CTNNBIP1: variants seen among roughly 807,000 people sequenced by gnomAD.
CTNNBIP1 encodes the protein beta-catenin-interacting protein 1.
A neutral mutation model predicts 11.8 loss-of-function variants in CTNNBIP1; 7 were observed. The ratio of observed to expected loss-of-function variants is 0.60; its 90% confidence interval spans 0.34 to 1.12. The LOEUF (loss-of-function observed/expected upper bound fraction) is 1.12, where lower values mean the gene tolerates loss of function less well. Among genes scored for constraint, CTNNBIP1 ranks in the 50% most tolerant of loss-of-function variants. The probability of loss-of-function intolerance (pLI) is 0.03; values close to 1 mark genes in which losing one functional copy is unlikely to be tolerated. For missense variants in CTNNBIP1, 101 were observed against 113.4 expected (o/e 0.89, Z 0.50); for synonymous variants, 58 against 43.9 (o/e 1.32, Z -1.26).
At chr1:9,890,049 G>C (rs1475798965) in intron 1 of CTNNBIP1, among the ~76,000 whole-genome samples, 1 of 152,190 alleles carries the variant, frequency 6.6e-6, no homozygotes. Flanking sequence ...GGAGGAACCT[G>C]CATGTTCCTA....
rs140661291 is a variant in CTNNBIP1 at position 9,859,331 on chromosome 1, T to C, written c.188-8555A>G. ...TGCCCCTTTAGTGGAGTCCAGTCAATTGACTGGGGAGAAAAAATGACAAAT... is the reference window on the plus strand; with the variant it reads ...TGCCCCTTTAGTGGAGTCCAGTCAACTGACTGGGGAGAAAAAATGACAAAT... On this transcript the variant is annotated intron_variant, in intron 5 of 5. Coordinates refer to ENST00000377263, the MANE Select transcript of CTNNBIP1 (RefSeq NM_020248.3). Among the ~76,000 whole-genome samples the C allele has an allele frequency of 3.7e-4, 56 of 152,200 alleles. 1 individual carries two copies. Among genetic ancestry groups the C allele is most frequent in the African/African-American group, 1.3e-3 (52 of 41,524 alleles).
rs550545888 is a variant in CTNNBIP1 at position 9,864,245 on chromosome 1, C to G, written c.187+6942G>C. Among the ~76,000 whole-genome samples the G allele has an allele frequency of 6.6e-5, 10 of 152,338 alleles. No homozygotes were observed. In the East Asian group the frequency reaches 1.7e-3, roughly 26 times the overall value. On this transcript the variant is annotated intron_variant, in intron 5 of 5. Coordinates refer to ENST00000377263, the MANE Select transcript of CTNNBIP1 (RefSeq NM_020248.3). ...CCAGGGCATGGCCCCAGGAGGCCCC[C>G]AGGCAGAGAAAAAACAAGGAGCTTC...
chr1:9,872,302 C>G lies in CTNNBIP1; in HGVS notation c.-24-214G>C, dbSNP rs780450934. On this transcript the variant is annotated intron_variant, in intron 3 of 5. Transcript: ENST00000377263. The surrounding 1 kb of genome is among the most constrained non-coding windows in gnomAD (Gnocchi z 4.0). ...CTGAGCAGCTCTGTTCTCCAGCAGG[C>G]GCTGCAAGGGCTGGCCTGCCTGCTG... is the stretch of plus-strand genomic sequence containing the variant. 6.6e-6 allele frequency among the ~76,000 whole-genome samples: 1 copy of G among 152,190 alleles called. No individual in the cohort carries two copies. Among genetic ancestry groups the G allele is most frequent in the Admixed American group, 6.5e-5 (1 of 15,284 alleles).
chr1:9,894,864 C>T (rs1639377043), intron 1 of CTNNBIP1, among the ~76,000 whole-genome samples: 1 of 150,904 alleles, frequency 6.6e-6, no homozygotes, highest in South Asian at 2.1e-4. Context: ...CCTCAGCCTC[C>T]TGACTAGCTA....
chr1:9,899,127 G>T (rs1436010881), intron 1 of CTNNBIP1, among the ~76,000 whole-genome samples: 1 of 152,156 alleles, frequency 6.6e-6, no homozygotes, highest in Non-Finnish European at 1.5e-5. Context: ...GGATATGGAA[G>T]GCTGACTAAG....
chr1:9,908,860 T>A lies in CTNNBIP1; in HGVS notation c.-144+1235A>T, dbSNP rs1377278819. ...ACTTGGAACGGTGCCTGGCACATAG[T>A]AAATGCTCACTACTGAATGAATGAA... On this transcript the variant is annotated intron_variant, in intron 1 of 5. Transcript: ENST00000377263. 4.6e-5 allele frequency among the ~76,000 whole-genome samples: 7 copies of A among 152,346 alleles called. No individual in the cohort carries two copies. The East Asian group carries it at 1.3e-3, about 29-fold the overall frequency.
At chr1:9,866,968 C>T (rs1012414841) in intron 5 of CTNNBIP1, among the ~76,000 whole-genome samples, 8 of 152,034 alleles carry the variant, frequency 5.3e-5, no homozygotes, top group Non-Finnish European at 7.4e-5. Flanking sequence ...CCTCGGGCGC[C>T]GTGTACTTGC....
At chr1:9,860,653 T>C (rs1445132621) in intron 5 of CTNNBIP1, among the ~76,000 whole-genome samples, 5 of 149,798 alleles carry the variant, frequency 3.3e-5, no homozygotes, top group African/African-American at 1.2e-4. Flanking sequence ...GAATCAGGAT[T>C]CTTCCAGGCC....
At chr1:9,897,122 GGAGACAAAGC>G (rs1639424213) in intron 1 of CTNNBIP1, among the ~76,000 whole-genome samples, 2 of 151,732 alleles carry the variant, frequency 1.3e-5, no homozygotes, top group South Asian at 4.2e-4. Flanking sequence ...CTCCAGCCTG[GGAGACAAAGC>G]GAGACTCTGT....
chr1:9,902,031 G>C (rs1639531917), intron 1 of CTNNBIP1, among the ~76,000 whole-genome samples: 1 of 152,166 alleles, frequency 6.6e-6, no homozygotes, highest in South Asian at 2.1e-4. Context: ...CTGCTTGCTA[G>C]ACCTCCCTGA....
At chr1:9,876,123 A>C (rs1638963890) in intron 3 of CTNNBIP1, among the ~76,000 whole-genome samples, 1 of 152,236 alleles carries the variant, frequency 6.6e-6, no homozygotes, top group South Asian at 2.1e-4. Context: ...CATAAACTAA[A>C]ACTGCAACTA....
intron 2 of CTNNBIP1, among the ~76,000 whole-genome samples, chr1:9,882,355 C>A (rs1213255358): frequency 6.6e-6 from 1 of 152,182 alleles, no homozygotes; most frequent in African/African-American, 2.4e-5. Flanking sequence ...GAGACAGACA[C>A]CAGTCAAGTC....
Position 9,871,207 on chromosome 1 carries a change from G to A in CTNNBIP1, c.167C>T (p.Pro56Leu). The A allele has an allele frequency of 6.3e-7, 1 of 1,578,554 alleles. No individual in the cohort carries two copies. The highest frequency in any genetic ancestry group is 8.6e-7 in the Non-Finnish European group (1 of 1,162,852). ...CTCACCCTGGTCGATGGAGTGCGGA[G>A]GCAGCTGGCTGAGCTGGCTGTTGAC... ...GVVNSQLSQL[P>L]PHSIDQGAED... The change falls in exon 5 of 6, where the codon CCT becomes CTT. Residue 56 changes from proline (P) to leucine (L), a missense_variant. Physicochemically the swap from Pro to Leu is moderately conservative, Grantham distance 98. Coordinates refer to ENST00000377263, the MANE Select transcript of CTNNBIP1 (RefSeq NM_020248.3). The surrounding 1 kb of genome is among the most constrained non-coding windows in gnomAD (Gnocchi z 5.2).
In CTNNBIP1 at chr1:9,850,549, C is replaced by T; in HGVS notation, c.*169G>A. 1.6e-6 allele frequency: 1 copy of T among 642,474 alleles called. No individual in the cohort carries two copies. Among genetic ancestry groups the T allele is most frequent in the Admixed American group, 2.4e-5 (1 of 41,188 alleles). The allele number at this position is 642,474 out of a possible 1,614,324, so 39.8% of individuals were successfully genotyped here. Reference sequence around the variant, plus strand: ...ATTATAAACGCACCACTGGTGTCTCCCTTGATGCCAGCCCCACTGAGTAGC... The same window carrying T: ...ATTATAAACGCACCACTGGTGTCTCTCTTGATGCCAGCCCCACTGAGTAGC... On this transcript the variant is annotated 3_prime_UTR_variant, in exon 6 of 6. Transcript: ENST00000377263.
In CTNNBIP1 at chr1:9,872,282, C is replaced by A. The variant is rs951684976; in HGVS notation, c.-24-194G>T. On this transcript the variant is annotated intron_variant, in intron 3 of 5. Coordinates refer to ENST00000377263, the MANE Select transcript of CTNNBIP1 (RefSeq NM_020248.3). The surrounding 1 kb of genome is among the most constrained non-coding windows in gnomAD (Gnocchi z 4.0). Reference sequence around the variant, plus strand: ...GCTGGTCCCAGCAGGCTGAACTGAGCAGCTCTGTTCTCCAGCAGGCGCTGC... The same window carrying A: ...GCTGGTCCCAGCAGGCTGAACTGAGAAGCTCTGTTCTCCAGCAGGCGCTGC... Among the ~76,000 whole-genome samples the A allele has an allele frequency of 2.0e-5, 3 of 152,218 alleles. No homozygotes were observed. Among genetic ancestry groups the A allele is most frequent in the South Asian group, 2.1e-4 (1 of 4,830 alleles).
chr1:9,866,548 C>T (rs1008172516), intron 5 of CTNNBIP1, among the ~76,000 whole-genome samples: 2 of 151,818 alleles, frequency 1.3e-5, no homozygotes, highest in Admixed American at 6.6e-5. Context: ...GGTGTGGTGG[C>T]GGGAGCCTGT....
intron 2 of CTNNBIP1, among the ~76,000 whole-genome samples, chr1:9,881,489 G>A (rs111295581): frequency 1.4e-4 from 21 of 151,240 alleles, no homozygotes; most frequent in Admixed American, 2.0e-4. Context: ...ACAGATGCCC[G>A]CCACCACACC....
intron 1 of CTNNBIP1, among the ~76,000 whole-genome samples, chr1:9,904,875 A>G (rs1210482457): frequency 2.0e-5 from 3 of 152,184 alleles, no homozygotes; most frequent in Non-Finnish European, 4.4e-5. Flanking sequence ...ATGTTTGCTG[A>G]TGACTTAGGG....
intron 5 of CTNNBIP1, among the ~76,000 whole-genome samples, chr1:9,869,700 A>C (rs1454440554): frequency 6.6e-6 from 1 of 152,132 alleles, no homozygotes; most frequent in East Asian, 1.9e-4. Context: ...AAGAGTATTC[A>C]ACTGGAGGCT....
Sources: allele counts gnomAD v4.1 joint callset (sites outside exome capture counted in the v4.1 genomes callset), GRCh38; gene constraint gnomAD v4.1.1; non-coding constraint Gnocchi (gnomAD v3.1); transcripts MANE v1.5; gene names NCBI Gene and HGNC (gene_info 2026-07-23, HGNC 2026-07-21).